Variants in ADAMTS3 observed in about 807,000 individuals in gnomAD.
ADAMTS3 encodes the protein ADAM metallopeptidase with thrombospondin type 1 motif 3, also known as A disintegrin and metalloproteinase with thrombospondin motifs 3.
Under a neutral mutation model 129.0 loss-of-function variants are expected in ADAMTS3, and 73 were observed. That is an observed-to-expected ratio of 0.57 (90% CI 0.47 to 0.69). ADAMTS3 has a LOEUF of 0.69. Among genes scored for constraint, ADAMTS3 ranks in the 30% least tolerant of loss-of-function variants. ADAMTS3 has a pLI of 0.00. For missense variants in ADAMTS3, 1,457 were observed against 1,514.5 expected (o/e 0.96, Z 0.63); for synonymous variants, 477 against 510.8 (o/e 0.93, Z 0.89).
chr4:72,341,060 T>C (rs1210753063), intron 4 of ADAMTS3, among the ~76,000 whole-genome samples: 1 of 152,150 alleles, frequency 6.6e-6, no homozygotes, highest in Non-Finnish European at 1.5e-5. Context: ...TAAATAGGTA[T>C]TGTCCTCTCC....
At chr4:72,462,439 A>C (rs988197231) in intron 3 of ADAMTS3, among the ~76,000 whole-genome samples, 3 of 152,020 alleles carry the variant, frequency 2.0e-5, no homozygotes, top group Non-Finnish European at 4.4e-5. Context: ...AAAGTAGTTC[A>C]ATCCCAAGCA....
chr4:72,432,637 A>G (rs1334237047), intron 3 of ADAMTS3, among the ~76,000 whole-genome samples: 1 of 151,996 alleles, frequency 6.6e-6, no homozygotes, highest in Non-Finnish European at 1.5e-5. Context: ...ATGATACTTA[A>G]GTATTAAAGA....
chr4:72,370,337 C>T lies in ADAMTS3; in HGVS notation c.662-30644G>A, dbSNP rs116070938. ...AATATATATATCTCTTTTCCCTTCTCCCCTTCAAATTGCAATTTGCTTATT... is the reference window on the plus strand; with the variant it reads ...AATATATATATCTCTTTTCCCTTCTTCCCTTCAAATTGCAATTTGCTTATT... On this transcript the variant is annotated intron_variant, in intron 4 of 21. Coordinates refer to ENST00000286657, the MANE Select transcript of ADAMTS3 (RefSeq NM_014243.3). Among the ~76,000 whole-genome samples the T allele has an allele frequency of 4.8e-3, 738 of 152,248 alleles. 1 individual carries two copies. The highest frequency in any genetic ancestry group is 0.017 in the African/African-American group (697 of 41,538).
At chr4:72,314,529 T>C (rs565148500) in intron 11 of ADAMTS3, among the ~76,000 whole-genome samples, 1 of 152,288 alleles carries the variant, frequency 6.6e-6, no homozygotes, top group East Asian at 1.9e-4. Context: ...CTCTAACATT[T>C]TGACTTACTT....
At chr4:72,550,999 C>A (rs1175404578) in intron 2 of ADAMTS3, among the ~76,000 whole-genome samples, 1 of 152,112 alleles carries the variant, frequency 6.6e-6, no homozygotes, top group Non-Finnish European at 1.5e-5. Flanking sequence ...GTTAGTAATA[C>A]CGGTAACCAG....
chr4:72,400,996 A>C (rs550884302), intron 4 of ADAMTS3, among the ~76,000 whole-genome samples: 2 of 150,266 alleles, frequency 1.3e-5, no homozygotes, highest in African/African-American at 4.9e-5. Context: ...TCCTAGACCC[A>C]CACTGTCCAA....
At position 72,295,651 on chromosome 4, in the gene ADAMTS3, T is replaced by C. The variant is rs775411689; in HGVS notation, c.2723+3A>G. On this transcript the variant is annotated splice_donor_region_variant and intron_variant, in intron 19 of 21. Coordinates refer to ENST00000286657, the MANE Select transcript of ADAMTS3 (RefSeq NM_014243.3). ...AGATATGATAGTTAAAATAGATGCT[T>C]ACAGTGGATGTGTACACTCTTGAAT... The C allele has an allele frequency of 1.2e-6, 2 of 1,606,846 alleles. No homozygotes were observed. The highest frequency in any genetic ancestry group is 1.7e-6 in the Non-Finnish European group (2 of 1,176,376).
chr4:72,377,689 C>T (rs906223348), intron 4 of ADAMTS3, among the ~76,000 whole-genome samples: 1 of 152,168 alleles, frequency 6.6e-6, no homozygotes, highest in African/African-American at 2.4e-5. Flanking sequence ...CCACCTTGGG[C>T]TGCTTAGGTC....
At position 72,312,226 on chromosome 4, in the gene ADAMTS3, G is replaced by A. The variant is rs868376650; in HGVS notation, c.1921+65C>T. On this transcript the variant is annotated intron_variant, in intron 13 of 21. Transcript: ENST00000286657. ...GGGATCAAGAGTCCATGGGGTTCGTGCTGGCAAAGCTTAAACTGTGAGTAA... is the reference window on the plus strand; with the variant it reads ...GGGATCAAGAGTCCATGGGGTTCGTACTGGCAAAGCTTAAACTGTGAGTAA... 4.4e-5 allele frequency: 69 copies of A among 1,576,772 alleles called. 2 individuals are homozygous for A. In the South Asian group the frequency reaches 7.8e-4, roughly 18 times the overall value.
intron 3 of ADAMTS3, among the ~76,000 whole-genome samples, chr4:72,420,922 G>T (rs1158657116): frequency 6.6e-6 from 1 of 151,560 alleles, no homozygotes; most frequent in Admixed American, 6.6e-5. Flanking sequence ...GAGAAATACA[G>T]AATTGTAATT....
intron 3 of ADAMTS3, among the ~76,000 whole-genome samples, chr4:72,417,498 A>G (rs1376497587): frequency 1.3e-5 from 2 of 152,200 alleles, no homozygotes; most frequent in African/African-American, 4.8e-5. Context: ...CTTAGAAAGC[A>G]AAGAAAATTT....
intron 15 of ADAMTS3, among the ~76,000 whole-genome samples, chr4:72,308,286 T>C (rs942371068): frequency 6.6e-6 from 1 of 151,894 alleles, no homozygotes; most frequent in Non-Finnish European, 1.5e-5. Flanking sequence ...AACACAGGAA[T>C]AGCAAAGACA....
intron 4 of ADAMTS3, among the ~76,000 whole-genome samples, chr4:72,365,872 A>C (rs1720856697): frequency 6.6e-6 from 1 of 152,208 alleles, no homozygotes; most frequent in Non-Finnish European, 1.5e-5. Flanking sequence ...AAAATTACAG[A>C]TCTTTTGGTA....
intron 4 of ADAMTS3, among the ~76,000 whole-genome samples, chr4:72,408,133 C>A (rs1311450215): frequency 6.6e-6 from 1 of 152,118 alleles, no homozygotes; most frequent in African/African-American, 2.4e-5. Flanking sequence ...ATGTGTAGTT[C>A]TCACATTTAA....
intron 4 of ADAMTS3, among the ~76,000 whole-genome samples, chr4:72,410,735 C>T (rs1010081482): frequency 2.0e-5 from 3 of 151,930 alleles, no homozygotes; most frequent in African/African-American, 7.3e-5. Flanking sequence ...ATTTATGACC[C>T]TTTAATTTTT....
At chr4:72,488,781 T>C (rs1205666515) in intron 3 of ADAMTS3, among the ~76,000 whole-genome samples, 1 of 151,878 alleles carries the variant, frequency 6.6e-6, no homozygotes, top group Non-Finnish European at 1.5e-5. Context: ...TATTTTTTCT[T>C]TATTTTCGTG....
intron 3 of ADAMTS3, among the ~76,000 whole-genome samples, chr4:72,533,673 A>ATATATATATATACATATATCTG (rs1721110797): frequency 6.6e-6 from 1 of 151,372 alleles, no homozygotes; most frequent in Non-Finnish European, 1.5e-5. Flanking sequence ...GTATATGCAC[A>ATATATATATATACATATATCTG]TATATGCACA....
chr4:72,442,750 G>A (rs1447276784), intron 3 of ADAMTS3, among the ~76,000 whole-genome samples: 1 of 151,852 alleles, frequency 6.6e-6, no homozygotes, highest in Non-Finnish European at 1.5e-5. Flanking sequence ...GAGTGCCAAA[G>A]GGCGCATTAC....
chr4:72,540,635 C>T (rs1036954153), intron 3 of ADAMTS3, among the ~76,000 whole-genome samples: 7 of 152,256 alleles, frequency 4.6e-5, no homozygotes, highest in East Asian at 1.9e-4. Flanking sequence ...TTTCATGGGC[C>T]AGGCCCAGCG....
Sources: gnomAD v4.1 joint callset for allele counts (sites outside exome capture counted in the v4.1 genomes callset) on GRCh38, gnomAD v4.1.1 for gene constraint, MANE v1.5 for transcripts, NCBI Gene and HGNC (gene_info 2026-07-23, HGNC 2026-07-21) for gene names.